Variants in CNTN5 observed in about 807,000 individuals in gnomAD.
The protein encoded by CNTN5 is contactin-5.
Under a neutral mutation model 129.1 loss-of-function variants are expected in CNTN5, and 77 were observed. That is an observed-to-expected ratio of 0.60 (90% confidence interval 0.50 to 0.72). The LOEUF is 0.72. Among genes scored for constraint, CNTN5 ranks in the 30% least tolerant of loss-of-function variants. The pLI is 0.00. For synonymous variants in CNTN5, 509 were observed against 465.6 expected (o/e 1.09, Z -1.20); for missense variants, 1,478 against 1,328.8 (o/e 1.11, Z -1.75).
At chr11:99,345,617 G>A (rs1591550711) in intron 2 of CNTN5, among the ~76,000 whole-genome samples, 1 of 152,152 alleles carries the variant, frequency 6.6e-6, no homozygotes. Flanking sequence ...TCAAGATCAA[G>A]ATTTGATCCG....
intron 2 of CNTN5, among the ~76,000 whole-genome samples, chr11:99,432,504 C>CTTTCTTTTT (rs1321739412): frequency 1.1e-5 from 1 of 88,770 alleles, no homozygotes; most frequent in Non-Finnish European, 2.5e-5. Context: ...TCTTTCTTTT[C>CTTTCTTTTT]TTTCTCTCTC....
At chr11:99,866,646 C>G (rs1362735956) in intron 6 of CNTN5, among the ~76,000 whole-genome samples, 1 of 152,162 alleles carries the variant, frequency 6.6e-6, no homozygotes, top group Non-Finnish European at 1.5e-5. Flanking sequence ...AGTTTAGGAA[C>G]TAGTGCTAAA....
At chr11:99,088,020 A>G (rs977854289) in intron 1 of CNTN5, among the ~76,000 whole-genome samples, 6 of 152,198 alleles carry the variant, frequency 3.9e-5, no homozygotes, top group African/African-American at 1.4e-4. Context: ...ACTAGGCTCC[A>G]CAAAATATAT....
At chr11:99,444,406 T>G (rs1210432711) in intron 2 of CNTN5, among the ~76,000 whole-genome samples, 3 of 152,170 alleles carry the variant, frequency 2.0e-5, no homozygotes, top group Non-Finnish European at 2.9e-5. Context: ...ATATCCTAGT[T>G]AAAAATGATG....
intron 2 of CNTN5, among the ~76,000 whole-genome samples, chr11:99,346,557 A>G (rs1465956023): frequency 6.6e-6 from 1 of 152,194 alleles, no homozygotes; most frequent in East Asian, 1.9e-4. Flanking sequence ...CCTGCTGGCA[A>G]TAGTCACAGC....
intron 3 of CNTN5, among the ~76,000 whole-genome samples, chr11:99,711,065 T>C (rs1342358923): frequency 4.6e-5 from 7 of 151,950 alleles, no homozygotes; most frequent in Admixed American, 4.6e-4. Context: ...ATTCTAATTG[T>C]ACATAACCTA....
chr11:100,040,037 G>A (rs1942278354), intron 9 of CNTN5, among the ~76,000 whole-genome samples: 1 of 152,296 alleles, frequency 6.6e-6, no homozygotes, highest in South Asian at 2.1e-4. Context: ...TGGAGGAGGA[G>A]AGGCACTCTG....
At chr11:99,742,494 T>C (rs1052256299) in intron 3 of CNTN5, among the ~76,000 whole-genome samples, 8 of 152,190 alleles carry the variant, frequency 5.3e-5, no homozygotes, top group African/African-American at 1.9e-4. Context: ...TGGGATTGTG[T>C]GAGCTTTAAA....
At chr11:100,165,117 G>A (rs932963645) in intron 13 of CNTN5, among the ~76,000 whole-genome samples, 1 of 151,654 alleles carries the variant, frequency 6.6e-6, no homozygotes, top group African/African-American at 2.4e-5. Flanking sequence ...GACTAGATGG[G>A]TGGCAGCAAA....
At chr11:99,739,086 T>C (rs1460541112) in intron 3 of CNTN5, among the ~76,000 whole-genome samples, 3 of 152,210 alleles carry the variant, frequency 2.0e-5, no homozygotes, top group Non-Finnish European at 1.5e-5. Context: ...CACCTTGTTC[T>C]GTGTTGCTCA....
chr11:99,588,048 A>T (rs999929509), intron 3 of CNTN5, among the ~76,000 whole-genome samples: 1 of 152,214 alleles, frequency 6.6e-6, no homozygotes, highest in Non-Finnish European at 1.5e-5. Flanking sequence ...CAAAATCCAT[A>T]GTTTAAGACC....
At chr11:99,522,951 C>A (rs1231870839) in intron 2 of CNTN5, among the ~76,000 whole-genome samples, 4 of 152,190 alleles carry the variant, frequency 2.6e-5, no homozygotes, top group African/African-American at 7.2e-5. Flanking sequence ...AATAACCTCT[C>A]CCTGTACACA....
chr11:99,920,684 C>A (rs1181747319), intron 7 of CNTN5, among the ~76,000 whole-genome samples: 1 of 152,180 alleles, frequency 6.6e-6, no homozygotes, highest in African/African-American at 2.4e-5. Flanking sequence ...GGTCCATAGA[C>A]AACTTCTTGC....
chr11:99,902,259 T>A (rs1243203051), intron 6 of CNTN5, among the ~76,000 whole-genome samples: 2 of 140,434 alleles, frequency 1.4e-5, no homozygotes, highest in African/African-American at 5.4e-5. Context: ...TTTTTTTTTT[T>A]AACATTTTTA....
At chr11:100,204,207 T>C (rs1948855606) in intron 15 of CNTN5, among the ~76,000 whole-genome samples, 1 of 146,334 alleles carries the variant, frequency 6.8e-6, no homozygotes, top group Admixed American at 7.0e-5. Context: ...AAATAAATAT[T>C]TGTAGTCATT....
intron 2 of CNTN5, among the ~76,000 whole-genome samples, chr11:99,412,087 T>C (rs531155273): frequency 6.6e-6 from 1 of 152,200 alleles, no homozygotes; most frequent in Non-Finnish European, 1.5e-5. Context: ...TCTCAAATTA[T>C]ATTGTATTAA....
At chr11:99,942,851 A>G (rs1021470813) in intron 7 of CNTN5, among the ~76,000 whole-genome samples, 16 of 152,114 alleles carry the variant, frequency 1.1e-4, no homozygotes, top group African/African-American at 3.6e-4. Flanking sequence ...TACAAAGGAC[A>G]TGAACTCATT....
At chr11:99,277,900 G>C (rs570501226) in intron 1 of CNTN5, among the ~76,000 whole-genome samples, 8 of 151,592 alleles carry the variant, frequency 5.3e-5, no homozygotes, top group African/African-American at 1.9e-4. Flanking sequence ...CCTGGATCAC[G>C]ACACAACAAT....
chr11:100,123,363 G>T (rs1382966946), intron 13 of CNTN5, among the ~76,000 whole-genome samples: 2 of 151,652 alleles, frequency 1.3e-5, no homozygotes, highest in African/African-American at 4.8e-5. Flanking sequence ...TGCAGAAAGA[G>T]GAATCAAATT....
Sources: gnomAD v4.1 joint callset for allele counts (sites outside exome capture counted in the v4.1 genomes callset) on GRCh38, gnomAD v4.1.1 for gene constraint, MANE v1.5 for transcripts, NCBI Gene and HGNC (gene_info 2026-07-23, HGNC 2026-07-21) for gene names.